Variants in MPP3 observed in about 807,000 individuals in gnomAD.
MPP3 encodes the protein MAGUK p55 subfamily member 3.
MPP3 carries 48 observed loss-of-function variants against 80.7 expected under a neutral mutation model. The observed-to-expected ratio is 0.59, with a 90% CI of 0.47 to 0.76. MPP3 has a LOEUF of 0.76. MPP3 is among the 30% of genes least tolerant of loss of function. MPP3 has a pLI of 0.00. For missense variants in MPP3, 620 were observed against 763.0 expected, an observed-to-expected ratio of 0.81 and a Z score of 2.21; for synonymous variants, 311 against 297.6, an observed-to-expected ratio of 1.04 and a Z score of -0.46.
rs1259258900 is a variant in MPP3, at chr17:43,817,778, T to C, written c.946+268A>G. 2.6e-5 allele frequency: 11 copies of C among 418,604 alleles called. No individual in the cohort carries two copies. In the East Asian group the frequency reaches 4.0e-4, roughly 15 times the overall value. 25.9% of individuals were successfully genotyped at this position (418,604 alleles called of 1,614,324 possible). ...ATCCTCACACGCACATGCACACGCG[T>C]GTGAACACACACACATCTGCACATT... On this transcript the variant is annotated intron_variant, in intron 12 of 19. Transcript: ENST00000398389.
chr17:43,831,864 C>G lies in MPP3; in HGVS notation c.25+18G>C. The G allele has an allele frequency of 1.3e-6, 2 of 1,597,388 alleles. No individual in the cohort carries two copies. The highest frequency in any genetic ancestry group is 1.1e-5 in the South Asian group (1 of 89,006). On this transcript the variant is annotated intron_variant, in intron 3 of 19. Transcript: ENST00000398389. ...GTCTTCAGGACTGTGGCAGGTCCAG[C>G]CGGGGGGAGGTACTTACCAGAGTCC... is the stretch of plus-strand genomic sequence containing the variant.
chr17:43,813,723 G>A (rs1334027418), intron 16 of MPP3, among the ~76,000 whole-genome samples: 4 of 152,142 alleles, frequency 2.6e-5, no homozygotes, highest in African/African-American at 7.2e-5. Context: ...GCCCCGTGGT[G>A]TCAGGTTGAG....
rs559121130 is a variant in MPP3, at chr17:43,809,820, G to A, written c.1459-742C>T. ...CGTGAACCCGGGAGGCGGAGCTTGC[G>A]GTGAACCAAGATCGCACCACTGCAC... is the stretch of plus-strand genomic sequence containing the variant. On this transcript the variant is annotated intron_variant, in intron 18 of 19. Transcript: ENST00000398389. 1.2e-3 allele frequency among the ~76,000 whole-genome samples: 181 copies of A among 152,128 alleles called. 1 individual carries two copies. Among genetic ancestry groups the A allele is most frequent in the Non-Finnish European group, 2.0e-3 (134 of 67,986 alleles).
chr17:43,832,676 C>G (rs2143201841), intron 2 of MPP3, 85 bp downstream of exon 2: 1 of 152,752 alleles, frequency 6.5e-6, no homozygotes, highest in African/African-American at 2.4e-5. Flanking sequence ...AGCGCCGAGC[C>G]CCGGTGCCAC....
At chr17:43,802,212 C>T (rs1226056065) in intron 19 of MPP3, among the ~76,000 whole-genome samples, 2 of 152,152 alleles carry the variant, frequency 1.3e-5, no homozygotes, top group Non-Finnish European at 2.9e-5. Flanking sequence ...CACTTCCTGC[C>T]TCAGAAGTAC....
At chr17:43,814,454 G>C (rs899662244) in intron 14 of MPP3, 93 bp from the exon 15 acceptor site, 2 of 1,355,630 alleles carry the variant, frequency 1.5e-6, no homozygotes, top group Admixed American at 4.5e-5. Context: ...CAGACCTGGA[G>C]ATGGGACTGA....
At chr17:43,816,623 C>T (rs986311321) in intron 13 of MPP3, 54 bp downstream of exon 13, 7 of 1,525,376 alleles carry the variant, frequency 4.6e-6, no homozygotes, top group South Asian at 1.2e-5. Context: ...AGGCCCCAGA[C>T]GTTCCACGGA....
intron 16 of MPP3, 183 bp from the exon 17 acceptor site, chr17:43,811,388 C>T: frequency 1.7e-6 from 1 of 593,308 alleles, no homozygotes; most frequent in Non-Finnish European, 3.0e-6. Context: ...CACTGATTCA[C>T]ACAACAACTC....
intron 7 of MPP3, among the ~76,000 whole-genome samples, chr17:43,828,538 G>A (rs909617567): frequency 1.4e-4 from 21 of 152,202 alleles, no homozygotes; most frequent in African/African-American, 5.1e-4. Context: ...CTCCAAGCCT[G>A]TTTCCTGTGA....
chr17:43,818,076 G>A lies in MPP3; in HGVS notation c.916C>T (p.Pro306Ser). ...GGCTTCCTGAGGCTCTGGGGGCTCGGCAGGGTGCCCGCGGCTCTCCGGTAG... is the reference window on the plus strand; with the variant it reads ...GGCTTCCTGAGGCTCTGGGGGCTCGACAGGGTGCCCGCGGCTCTCCGGTAG... Reference protein sequence around the residue: ...LSYRRAAGTLPSPQSLRKPPY... With the variant: ...LSYRRAAGTLSSPQSLRKPPY... The change falls in exon 12 of 20, where the codon CCG becomes TCG. Residue 306 changes from proline to serine, a missense_variant. Coordinates refer to ENST00000398389, the MANE Select transcript of MPP3 (RefSeq NM_001932.6). 1 of 1,576,084 alleles carries A rather than the reference G, an allele frequency of 6.3e-7. No individual in the cohort carries two copies. The highest frequency in any genetic ancestry group is 1.2e-5 in the South Asian group (1 of 85,986).
At chr17:43,828,015 G>A (rs573234995) in intron 7 of MPP3, among the ~76,000 whole-genome samples, 183 bp from the exon 8 acceptor site, 1 of 152,312 alleles carries the variant, frequency 6.6e-6, no homozygotes, top group Admixed American at 6.5e-5. Context: ...GCCCTGCACT[G>A]TACAGTTTAC....
chr17:43,810,744 A>G, intron 18 of MPP3, 63 bp downstream of exon 18: 1 of 1,138,792 alleles, frequency 8.8e-7, no homozygotes, highest in Non-Finnish European at 1.3e-6. Flanking sequence ...GTTGTGTAAA[A>G]TGTACAATCC....
At chr17:43,815,720 T>G in intron 14 of MPP3, 2 of 543,242 alleles carry the variant, frequency 3.7e-6, no homozygotes, top group Non-Finnish European at 3.4e-6. Context: ...CCTCACTGCG[T>G]GGTAGTGGTG....
Position 43,800,927 on chromosome 17 carries a change from C to T in MPP3, c.*774G>A, listed in dbSNP as rs937634983. ...CTAGCACAATGGGAACCCCTATGAT[C>T]TCATGGCAGGGACTGGCTAGGACCA... On this transcript the variant is annotated 3_prime_UTR_variant, in exon 20 of 20. Coordinates refer to ENST00000398389, the MANE Select transcript of MPP3 (RefSeq NM_001932.6). 1 of 152,166 alleles carries T rather than the reference C, an allele frequency of 6.6e-6. No individual in the cohort carries two copies. The highest frequency in any genetic ancestry group is 1.5e-5 in the Non-Finnish European group (1 of 68,044). 9.4% of individuals were successfully genotyped at this position (152,166 alleles called of 1,614,324 possible). A position where few individuals can be genotyped will look rare whatever the true frequency, so the allele number is the denominator to read the frequency against.
At position 43,808,855 on chromosome 17, in the gene MPP3, C is replaced by T. The variant is rs538656476; in HGVS notation, c.1581+101G>A. 1.5e-5 allele frequency: 20 copies of T among 1,342,920 alleles called. No individual in the cohort carries two copies. The African/African-American group carries it at 1.7e-4, about 11-fold the overall frequency. The allele number at this position is 1,342,920 out of a possible 1,614,324, so 83.2% of individuals were successfully genotyped here. On this transcript the variant is annotated intron_variant, in intron 19 of 19. Coordinates refer to ENST00000398389, the MANE Select transcript of MPP3 (RefSeq NM_001932.6). ...ACAATCACATGTAGAAGGTGTGTCC[C>T]GCATCCCTCTTCAGCTGCAAGCACC...
rs766005056 is a variant in MPP3, at chr17:43,803,443, G to C, written c.1582-1566C>G. 3.6e-4 allele frequency among the ~76,000 whole-genome samples: 54 copies of C among 152,100 alleles called. 1 individual carries two copies. The highest frequency in any genetic ancestry group is 5.9e-5 in the Non-Finnish European group (4 of 68,026). On this transcript the variant is annotated intron_variant, in intron 19 of 19. Coordinates refer to ENST00000398389, the MANE Select transcript of MPP3 (RefSeq NM_001932.6). ...CTGTAACGATGGAACTCGCCCACCT[G>C]TGTCTTCAGCAAGAGTCACAGTCCC...
chr17:43,813,896 G>A lies in MPP3; in HGVS notation c.1255+115C>T, dbSNP rs151224850. 282 of 888,114 alleles carry A rather than the reference G, an allele frequency of 3.2e-4. 3 individuals are homozygous for A. The East Asian group carries it at 7.0e-3, about 22-fold the overall frequency. The allele number at this position is 888,114 out of a possible 1,614,324, so 55.0% of individuals were successfully genotyped here. On this transcript the variant is annotated intron_variant, in intron 16 of 19. Transcript: ENST00000398389. ...CCACAATTTGCCAATAGCAGGCAGT[G>A]CCTGGTGATCCTTTAAACCCAAAGT...
In MPP3 at chr17:43,831,292, C is replaced by T. The variant is rs771948036; in HGVS notation, c.174G>A (p.Arg58=). 79 of 1,613,898 alleles carry T rather than the reference C, an allele frequency of 4.9e-5. No homozygotes were observed. Among genetic ancestry groups the T allele is most frequent in the Middle Eastern group, 1.6e-4 (1 of 6,084 alleles). Residue 58 remains arginine (R), a synonymous_variant, in exon 5 of 20, where the codon AGG becomes AGA. Transcript: ENST00000398389. ...KIHEKLRYYE[R]QSPTPVLHSA... is the part of the protein sequence containing the mutation. ...TGTGCAGAACTGGGGTTGGACTTTGCCTTTCATAATAGCGAAGCTTCTCAT... is the reference window on the plus strand; with the variant it reads ...TGTGCAGAACTGGGGTTGGACTTTGTCTTTCATAATAGCGAAGCTTCTCAT...
chr17:43,829,446 A>C (rs771877827), intron 7 of MPP3, among the ~76,000 whole-genome samples: 20 of 152,198 alleles, frequency 1.3e-4, no homozygotes, highest in Non-Finnish European at 2.2e-4. Context: ...TAACTACACA[A>C]AGGGTGTTGG....
Sources: gnomAD v4.1 joint callset for allele counts (sites outside exome capture counted in the v4.1 genomes callset) on GRCh38, gnomAD v4.1.1 for gene constraint, MANE v1.5 for transcripts, NCBI Gene and HGNC (gene_info 2026-07-23, HGNC 2026-07-21) for gene names.